TRIM33: variants seen among roughly 807,000 people sequenced by gnomAD.
TRIM33 encodes the protein E3 ubiquitin-protein ligase TRIM33.
A neutral mutation model predicts 125.4 loss-of-function variants in TRIM33; 20 were observed. That is an observed-to-expected ratio of 0.16 (90% CI 0.11 to 0.23). TRIM33 has a LOEUF of 0.23. Ranked by LOEUF, TRIM33 falls within the 10% of genes least tolerant of loss-of-function variation. The pLI is 1.00. For missense variants in TRIM33, 920 were observed against 1,411.4 expected (o/e 0.65, Z 5.58); for synonymous variants, 564 against 513.9 (o/e 1.10, Z -1.32).
Position 114,482,021 on chromosome 1 carries a change from A to G in TRIM33, c.527-17633T>C, listed in dbSNP as rs545486132. The stretch of plus-strand genomic sequence containing the variant: ...GGTGATCTGCCCACCTCGGCCTCCC[A>G]AAGAGCTGGGATTACAGGCCATTAG... On this transcript the variant is annotated intron_variant, in intron 1 of 19. Transcript: ENST00000358465. Among the ~76,000 whole-genome samples the G allele has an allele frequency of 5.9e-5, 9 of 152,274 alleles. No homozygotes were observed. In the South Asian group the frequency reaches 1.0e-3, roughly 18 times the overall value.
rs1193077051 is a variant in TRIM33, at chr1:114,395,933, G to C, written c.*1715C>G. 5.2e-6 allele frequency: 1 copy of C among 193,712 alleles called. No individual in the cohort carries two copies. Among genetic ancestry groups the C allele is most frequent in the Non-Finnish European group, 1.1e-5 (1 of 92,870 alleles). 12.0% of individuals were successfully genotyped at this position (193,712 alleles called of 1,614,324 possible). A position where few individuals can be genotyped will look rare whatever the true frequency, so the allele number is the denominator to read the frequency against. ...AGGAATTTGTATAATAATTTCTTTA[G>C]AGCACTTTATTTGATTCAATATGCA... On this transcript the variant is annotated 3_prime_UTR_variant, in exon 20 of 20. Coordinates refer to ENST00000358465, the MANE Select transcript of TRIM33 (RefSeq NM_015906.4).
intron 8 of TRIM33, 27 bp downstream of exon 8, chr1:114,427,150 A>T: frequency 9.0e-7 from 1 of 1,114,764 alleles, no homozygotes; most frequent in Non-Finnish European, 1.3e-6. Context: ...GTTCCAAGTT[A>T]TATTCATAAA....
intron 4 of TRIM33, among the ~76,000 whole-genome samples, chr1:114,458,539 C>T (rs1649757857): frequency 1.3e-5 from 2 of 152,118 alleles, no homozygotes; most frequent in African/African-American, 4.8e-5. Context: ...TGATTTCATC[C>T]CTGACCCAAG....
In TRIM33 at chr1:114,397,578, G is replaced by C. The variant is rs559884918; in HGVS notation, c.*70C>G. On this transcript the variant is annotated 3_prime_UTR_variant, in exon 20 of 20. Coordinates refer to ENST00000358465, the MANE Select transcript of TRIM33 (RefSeq NM_015906.4). ...TTCCAGCAACACTTAAAAGTTTTCT[G>C]GGTTTTTTGTGTTTTTTTTTTTTTT... 11 of 1,228,262 alleles carry C rather than the reference G, an allele frequency of 9.0e-6. No homozygotes were observed. In the Admixed American group the frequency reaches 1.4e-4, roughly 15 times the overall value. 76.1% of individuals were successfully genotyped at this position (1,228,262 alleles called of 1,614,324 possible).
At chr1:114,446,757 A>T (rs751658485) in intron 4 of TRIM33, among the ~76,000 whole-genome samples, 5 of 152,204 alleles carry the variant, frequency 3.3e-5, no homozygotes, top group Non-Finnish European at 5.9e-5. Context: ...CATTCCAATT[A>T]AAAAACAGAG....
chr1:114,437,990 G>A (rs759497297), intron 4 of TRIM33, among the ~76,000 whole-genome samples: 37 of 152,116 alleles, frequency 2.4e-4, no homozygotes, highest in Non-Finnish European at 4.6e-4. Context: ...CCAGGTATTC[G>A]GGAGGCTGAA....
intron 4 of TRIM33, among the ~76,000 whole-genome samples, chr1:114,449,479 T>C (rs945226104): frequency 3.9e-5 from 6 of 151,974 alleles, no homozygotes; most frequent in Non-Finnish European, 1.5e-5. Context: ...AGATAAAAAA[T>C]GTAACAATAT....
chr1:114,484,104 C>T (rs1257654326), intron 1 of TRIM33, among the ~76,000 whole-genome samples: 1 of 152,078 alleles, frequency 6.6e-6, no homozygotes, highest in East Asian at 1.9e-4. Context: ...ACTGAGTTTG[C>T]AAAAAGATGT....
chr1:114,494,982 C>T (rs927473118), intron 1 of TRIM33, among the ~76,000 whole-genome samples: 1 of 152,106 alleles, frequency 6.6e-6, no homozygotes, highest in Non-Finnish European at 1.5e-5. Flanking sequence ...GGCACCATCT[C>T]GGCTCACTGC....
rs372150707 is a variant in TRIM33 at position 114,407,129 on chromosome 1, A to T, written c.2259-29T>A. ...ATAAGAAACAACAAATAAAGATCACATACGTTTGACTATATGGTATAAATA... is the reference window on the plus strand; with the variant it reads ...ATAAGAAACAACAAATAAAGATCACTTACGTTTGACTATATGGTATAAATA... On this transcript the variant is annotated intron_variant, in intron 13 of 19. Coordinates refer to ENST00000358465, the MANE Select transcript of TRIM33 (RefSeq NM_015906.4). 13 of 1,593,960 alleles carry T rather than the reference A, an allele frequency of 8.2e-6. No individual in the cohort carries two copies. The African/African-American group carries it at 1.6e-4, about 20-fold the overall frequency.
intron 10 of TRIM33, among the ~76,000 whole-genome samples, chr1:114,421,978 C>T (rs754282665): frequency 3.9e-5 from 6 of 152,146 alleles, no homozygotes; most frequent in East Asian, 1.9e-4. Context: ...TATTCCTCTT[C>T]GACCTTTAGT....
chr1:114,437,411 T>C (rs1271450618), intron 4 of TRIM33, among the ~76,000 whole-genome samples: 1 of 152,208 alleles, frequency 6.6e-6, no homozygotes, highest in Admixed American at 6.5e-5. Flanking sequence ...CGATTTCGGC[T>C]CACTGCAACT....
At chr1:114,401,204 T>C (rs1651864174) in intron 17 of TRIM33, among the ~76,000 whole-genome samples, 185 bp downstream of exon 17, 1 of 151,500 alleles carries the variant, frequency 6.6e-6, no homozygotes, top group Admixed American at 6.6e-5. Context: ...GCCCGGCTAG[T>C]TTTTTGTATT....
At chr1:114,440,427 A>G (rs1648582788) in intron 4 of TRIM33, among the ~76,000 whole-genome samples, 1 of 152,138 alleles carries the variant, frequency 6.6e-6, no homozygotes, top group Non-Finnish European at 1.5e-5. Context: ...ATAAGGAAAA[A>G]CAGCACCCTA....
chr1:114,410,132 G>A, intron 12 of TRIM33, 52 bp downstream of exon 12: 2 of 1,602,474 alleles, frequency 1.2e-6, no homozygotes, highest in Non-Finnish European at 1.7e-6. Flanking sequence ...GACAGATACT[G>A]ACACTGTTTT....
chr1:114,485,925 C>T (rs192397861), intron 1 of TRIM33, among the ~76,000 whole-genome samples: 16 of 152,216 alleles, frequency 1.1e-4, no homozygotes, highest in African/African-American at 3.9e-4. Context: ...GATCAGATAT[C>T]ACATATTAGA....
chr1:114,474,608 G>C (rs1056081656), intron 1 of TRIM33, among the ~76,000 whole-genome samples: 1 of 149,238 alleles, frequency 6.7e-6, no homozygotes, highest in African/African-American at 2.5e-5. Flanking sequence ...AAAAGGCCAG[G>C]GGCAGTGGCT....
At chr1:114,406,708 T>C (rs1241512625) in intron 14 of TRIM33, among the ~76,000 whole-genome samples, 1 of 152,194 alleles carries the variant, frequency 6.6e-6, no homozygotes, top group African/African-American at 2.4e-5. Context: ...TAAATACAAA[T>C]TCAAAGATAA....
chr1:114,476,486 C>T (rs116649594), intron 1 of TRIM33, among the ~76,000 whole-genome samples: 2,471 of 151,662 alleles, frequency 0.016, 24 homozygotes, highest in Non-Finnish European at 0.023. Context: ...CTTTCCTTGA[C>T]AAATTTTTTA....
Sources: allele counts gnomAD v4.1 joint callset (sites outside exome capture counted in the v4.1 genomes callset), GRCh38; gene constraint gnomAD v4.1.1; transcripts MANE v1.5; gene names NCBI Gene and HGNC (gene_info 2026-07-23, HGNC 2026-07-21).